PIGN: variants seen among roughly 807,000 people sequenced by gnomAD.
PIGN encodes the protein GPI ethanolamine phosphate transferase 1.
In PIGN, 117 loss-of-function variants were observed where a neutral mutation model predicts 125.4. That is an observed-to-expected ratio of 0.93 (90% CI 0.80 to 1.09). The LOEUF (loss-of-function observed/expected upper bound fraction) is 1.09. Ranked by LOEUF, PIGN falls within the 50% of genes least tolerant of loss-of-function variation. The probability of loss-of-function intolerance (pLI) is 0.00; values close to 1 mark genes in which losing one functional copy is unlikely to be tolerated. For missense variants in PIGN, 1,075 were observed against 1,094.9 expected, an observed-to-expected ratio of 0.98 and a Z score of 0.26; for synonymous variants, 392 against 377.8, an observed-to-expected ratio of 1.04 and a Z score of -0.44.
chr18:62,017,915 A>T (rs1435727657), intron 23 of PIGN, among the ~76,000 whole-genome samples: 3 of 151,848 alleles, frequency 2.0e-5, no homozygotes, highest in Non-Finnish European at 4.4e-5. Context: ...GCATATTACC[A>T]CCCTGAACAA....
chr18:62,034,751 A>C (rs2144898570), intron 23 of PIGN, among the ~76,000 whole-genome samples: 1 of 152,276 alleles, frequency 6.6e-6, no homozygotes, highest in South Asian at 2.1e-4. Context: ...TTTAGGAAGT[A>C]ATTTTGATTT....
intron 29 of PIGN, among the ~76,000 whole-genome samples, chr18:62,074,462 CA>C (rs2033064976): frequency 2.6e-5 from 4 of 152,046 alleles, no homozygotes; most frequent in African/African-American, 7.2e-5. Context: ...ATCAACATTT[CA>C]GTAGAAAAAT....
chr18:62,139,273 A>C (rs1014883644), intron 12 of PIGN, among the ~76,000 whole-genome samples, 198 bp from the exon 13 acceptor site: 26 of 152,240 alleles, frequency 1.7e-4, no homozygotes, highest in African/African-American at 6.3e-4. Flanking sequence ...GTATTAAGGT[A>C]AGCAAAGCAA....
intron 14 of PIGN, chr18:62,135,803 T>A (rs2147092217): frequency 6.6e-6 from 1 of 152,020 alleles, no homozygotes; most frequent in African/African-American, 2.4e-5. Context: ...ATTTTTATAT[T>A]TTTTGGTAGA....
chr18:62,186,034 G>A (rs1488971888), intron 1 of PIGN, among the ~76,000 whole-genome samples: 2 of 147,436 alleles, frequency 1.4e-5, no homozygotes, highest in Admixed American at 1.4e-4. Context: ...CCTTATTAGC[G>A]GAATTGATTT....
chr18:62,145,854 C>T (rs2036307228), intron 10 of PIGN, 55 bp downstream of exon 10: 1 of 874,660 alleles, frequency 1.1e-6, no homozygotes, highest in Admixed American at 2.3e-5. Context: ...AAAATTTAAA[C>T]TTTGTTCTTA....
chr18:62,026,426 A>C (rs1401619087), intron 23 of PIGN, among the ~76,000 whole-genome samples: 1 of 152,222 alleles, frequency 6.6e-6, no homozygotes, highest in Non-Finnish European at 1.5e-5. Flanking sequence ...CTTGAATTTC[A>C]AGAACAGGTG....
intron 30 of PIGN, 137 bp from the exon 31 acceptor site, chr18:62,046,116 C>A (rs1225990255): frequency 3.5e-5 from 29 of 820,034 alleles, no homozygotes; most frequent in Non-Finnish European, 3.8e-6. Context: ...TTACCTTATT[C>A]CTCCTGCTAA....
At chr18:62,120,825 T>C (rs1339312574) in intron 14 of PIGN, among the ~76,000 whole-genome samples, 3 of 151,472 alleles carry the variant, frequency 2.0e-5, no homozygotes, top group African/African-American at 7.3e-5. Context: ...ATGGGATAAA[T>C]TGAAAACAAA....
intron 22 of PIGN, among the ~76,000 whole-genome samples, chr18:62,099,758 C>A (rs1197561240): frequency 6.6e-6 from 1 of 151,980 alleles, no homozygotes; most frequent in Non-Finnish European, 1.5e-5. Context: ...ATGGAATATC[C>A]ATTTTCAAAA....
intron 14 of PIGN, chr18:62,136,951 G>T (rs887415638): frequency 1.0e-5 from 4 of 394,152 alleles, no homozygotes; most frequent in African/African-American, 8.2e-5. Context: ...TTTGCCTACT[G>T]TGATGGTTAA....
At chr18:62,051,510 T>G (rs1370631835) in intron 30 of PIGN, among the ~76,000 whole-genome samples, 1 of 152,246 alleles carries the variant, frequency 6.6e-6, no homozygotes, top group Non-Finnish European at 1.5e-5. Context: ...TAGTATTCTC[T>G]GATGGTAGTT....
intron 25 of PIGN, among the ~76,000 whole-genome samples, chr18:62,086,128 T>C (rs2033687132): frequency 6.6e-6 from 1 of 152,070 alleles, no homozygotes; most frequent in African/African-American, 2.4e-5. Flanking sequence ...ATAAATAAAA[T>C]AGTCTCAAAA....
intron 22 of PIGN, among the ~76,000 whole-genome samples, chr18:62,100,841 A>G (rs1299959997): frequency 6.6e-6 from 1 of 152,214 alleles, no homozygotes; most frequent in Non-Finnish European, 1.5e-5. Context: ...TAATAAATAC[A>G]TAGCTTTATT....
At chr18:62,170,017 G>A (rs1206834814) in intron 1 of PIGN, among the ~76,000 whole-genome samples, 1 of 152,126 alleles carries the variant, frequency 6.6e-6, no homozygotes, top group African/African-American at 2.4e-5. Context: ...AGTTTCAGTG[G>A]CTCTAATTCT....
rs1422138643 is a variant in PIGN at position 62,147,105 on chromosome 18, T to C, written c.675-4A>G. On this transcript the variant is annotated splice_region_variant and splice_polypyrimidine_tract_variant and intron_variant, in intron 8 of 30. Coordinates refer to ENST00000640252, the MANE Select transcript of PIGN (RefSeq NM_176787.5). ...TTTAATATTGTGCTTGTAGTCTCTA[T>C]TTGTAAAGAAACAGAGGAACAAATT... The C allele has an allele frequency of 6.3e-7, 1 of 1,592,182 alleles. No homozygotes were observed. The highest frequency in any genetic ancestry group is 1.3e-5 in the African/African-American group (1 of 74,406).
chr18:62,147,886 TA>T (rs1237808296), intron 8 of PIGN, among the ~76,000 whole-genome samples: 2 of 152,166 alleles, frequency 1.3e-5, no homozygotes, highest in African/African-American at 4.8e-5. Flanking sequence ...GTTAATACCA[TA>T]AAATGCTTTA....
intron 25 of PIGN, among the ~76,000 whole-genome samples, chr18:62,087,244 T>C (rs568546178): frequency 6.6e-6 from 1 of 151,834 alleles, no homozygotes; most frequent in African/African-American, 2.4e-5. Context: ...AGAAGTGATA[T>C]AAAAATCTTA....
intron 14 of PIGN, among the ~76,000 whole-genome samples, chr18:62,127,490 G>T (rs1050611659): frequency 6.6e-6 from 1 of 150,934 alleles, no homozygotes. Flanking sequence ...CACTGCAGCC[G>T]AAGTATCTGT....
Sources: gnomAD v4.1 joint callset for allele counts (sites outside exome capture counted in the v4.1 genomes callset) on GRCh38, gnomAD v4.1.1 for gene constraint, MANE v1.5 for transcripts, NCBI Gene and HGNC (gene_info 2026-07-23, HGNC 2026-07-21) for gene names.